TCERG1L: variants seen among roughly 807,000 people sequenced by gnomAD.
TCERG1L encodes the protein transcription elongation regulator 1 like, also known as transcription elongation regulator 1-like protein.
A neutral mutation model predicts 56.3 loss-of-function variants in TCERG1L; 37 were observed. That is an observed-to-expected ratio of 0.66 (90% confidence interval 0.51 to 0.87). The LOEUF (loss-of-function observed/expected upper bound fraction) is 0.87, where lower values mean the gene tolerates loss of function less well. Ranked by LOEUF, TCERG1L falls within the 40% of genes least tolerant of loss-of-function variation. The pLI is 0.00. For missense variants in TCERG1L, 799 were observed against 774.2 expected, an observed-to-expected ratio of 1.03 and a Z score of -0.38; for synonymous variants, 324 against 326.3, an observed-to-expected ratio of 0.99 and a Z score of 0.08.
intron 8 of TCERG1L, among the ~76,000 whole-genome samples, chr10:131,126,074 G>A (rs544751444): frequency 7.2e-5 from 11 of 152,254 alleles, no homozygotes; most frequent in Middle Eastern, 3.4e-3. Context: ...TGGCCTTTCC[G>A]GCTTGGTCAG....
intron 4 of TCERG1L, among the ~76,000 whole-genome samples, chr10:131,229,576 C>G (rs889610680): frequency 6.6e-5 from 10 of 152,136 alleles, no homozygotes; most frequent in African/African-American, 2.4e-4. Context: ...ATACCAATTA[C>G]CAATTAGCGC....
At chr10:131,309,417 T>C in intron 1 of TCERG1L, 118 bp from the exon 2 acceptor site, 1 of 1,339,050 alleles carries the variant, frequency 7.5e-7, no homozygotes, top group South Asian at 1.4e-5. Context: ...ATGTATTTGA[T>C]TATCAGATAA....
chr10:131,172,302 G>A (rs898681683), intron 4 of TCERG1L, among the ~76,000 whole-genome samples: 2 of 151,988 alleles, frequency 1.3e-5, no homozygotes, highest in Non-Finnish European at 2.9e-5. Context: ...TGGACCCCAC[G>A]GGGGAGGAGG....
intron 4 of TCERG1L, among the ~76,000 whole-genome samples, chr10:131,220,172 C>T (rs1391969290): frequency 6.6e-6 from 1 of 152,166 alleles, no homozygotes; most frequent in Non-Finnish European, 1.5e-5. Flanking sequence ...CCCTGCCATG[C>T]GAAGGGGACA....
chr10:131,214,029 G>A (rs574848771), intron 4 of TCERG1L, among the ~76,000 whole-genome samples: 1 of 125,514 alleles, frequency 8.0e-6, no homozygotes, highest in South Asian at 2.8e-4. Flanking sequence ...TGCTTTTAAT[G>A]TTACATACGC....
rs116748148 is a variant in TCERG1L, at chr10:131,283,191, G to A, written c.671-22747C>T. 3.1e-3 allele frequency among the ~76,000 whole-genome samples: 466 copies of A among 152,274 alleles called. 4 individuals carry two copies. The highest frequency in any genetic ancestry group is 0.011 in the African/African-American group (457 of 41,560). On this transcript the variant is annotated intron_variant, in intron 3 of 11. Transcript: ENST00000368642. Reference sequence around the variant, plus strand: ...GCTACAGTGAGGAACGGCCTTAGACGGGATGCATTGGTACAGTTGCCAAAG... The same window carrying A: ...GCTACAGTGAGGAACGGCCTTAGACAGGATGCATTGGTACAGTTGCCAAAG...
At chr10:131,298,842 G>A (rs903320999) in intron 3 of TCERG1L, among the ~76,000 whole-genome samples, 1 of 152,218 alleles carries the variant, frequency 6.6e-6, no homozygotes, top group Admixed American at 6.5e-5. Context: ...CATGTCAATC[G>A]GGTCAAGTTG....
intron 4 of TCERG1L, among the ~76,000 whole-genome samples, chr10:131,247,928 C>T (rs750398887): frequency 2.0e-5 from 3 of 151,944 alleles, no homozygotes. Context: ...ATACACACGA[C>T]TCACACACAG....
At chr10:131,224,650 G>T (rs1244555384) in intron 4 of TCERG1L, among the ~76,000 whole-genome samples, 2 of 152,142 alleles carry the variant, frequency 1.3e-5, no homozygotes, top group South Asian at 4.1e-4. Context: ...CTTCAAGACC[G>T]AAGTCACGTC....
intron 4 of TCERG1L, among the ~76,000 whole-genome samples, chr10:131,238,923 C>T (rs528571819): frequency 2.0e-5 from 3 of 152,336 alleles, no homozygotes; most frequent in Admixed American, 6.5e-5. Flanking sequence ...TCCATGCCAA[C>T]GTCCCCATGC....
At chr10:131,245,765 G>A (rs1017034968) in intron 4 of TCERG1L, among the ~76,000 whole-genome samples, 4 of 152,198 alleles carry the variant, frequency 2.6e-5, no homozygotes, top group Non-Finnish European at 5.9e-5. Flanking sequence ...GAGTTGGCGG[G>A]AGGGGTGCAG....
chr10:131,147,035 G>A (rs528149407), intron 6 of TCERG1L, among the ~76,000 whole-genome samples: 42 of 151,798 alleles, frequency 2.8e-4, no homozygotes, highest in African/African-American at 9.4e-4. Context: ...CCCTGGTTCC[G>A]GCAATAGAGT....
intron 7 of TCERG1L, among the ~76,000 whole-genome samples, chr10:131,135,832 T>C (rs1014488133): frequency 6.6e-6 from 1 of 152,184 alleles, no homozygotes; most frequent in Non-Finnish European, 1.5e-5. Context: ...GATGTAGGCC[T>C]AGGAGGAAGG....
Position 131,279,955 on chromosome 10 carries a change from C to T in TCERG1L, c.671-19511G>A, listed in dbSNP as rs143162687. Among the ~76,000 whole-genome samples the T allele has an allele frequency of 4.7e-3, 713 of 152,196 alleles. 3 individuals carry two copies. Among genetic ancestry groups the T allele is most frequent in the African/African-American group, 0.016 (658 of 41,512 alleles). On this transcript the variant is annotated intron_variant, in intron 3 of 11. Transcript: ENST00000368642. Reference sequence around the variant, plus strand: ...GGTGAGAGTTTCTCCATGTGGAATGCGACCCAGCAGAGCCAGCCTACACCC... The same window carrying T: ...GGTGAGAGTTTCTCCATGTGGAATGTGACCCAGCAGAGCCAGCCTACACCC...
intron 4 of TCERG1L, among the ~76,000 whole-genome samples, chr10:131,182,097 T>C (rs1028038469): frequency 1.3e-5 from 2 of 152,122 alleles, no homozygotes; most frequent in Non-Finnish European, 2.9e-5. Context: ...GCACATAGCA[T>C]GGGTGTGTGC....
At chr10:131,242,349 A>C (rs1306734179) in intron 4 of TCERG1L, among the ~76,000 whole-genome samples, 4 of 152,214 alleles carry the variant, frequency 2.6e-5, no homozygotes, top group Non-Finnish European at 4.4e-5. Flanking sequence ...TGTGAAAAAC[A>C]TCTTGGCAAT....
Position 131,115,848 on chromosome 10 carries a change from G to A in TCERG1L, c.1395+951C>T, listed in dbSNP as rs117769207. ...ACCTCAGCCCTAACTAACCCTGTGA[G>A]GGTTCTGCTCAGACCTCTCTGTTCT... On this transcript the variant is annotated intron_variant, in intron 9 of 11. Coordinates refer to ENST00000368642, the MANE Select transcript of TCERG1L (RefSeq NM_174937.4). Among the ~76,000 whole-genome samples, 12 of 152,298 alleles carry A rather than the reference G, an allele frequency of 7.9e-5. No homozygotes were observed. In the East Asian group the frequency reaches 2.1e-3, roughly 27 times the overall value.
intron 11 of TCERG1L, among the ~76,000 whole-genome samples, chr10:131,093,757 G>A (rs1354570677): frequency 6.6e-6 from 1 of 152,136 alleles, no homozygotes; most frequent in Non-Finnish European, 1.5e-5. Flanking sequence ...AGTTAGAGCT[G>A]CTCGTCATGA....
chr10:131,208,899 T>C (rs1845581469), intron 4 of TCERG1L, among the ~76,000 whole-genome samples: 1 of 151,652 alleles, frequency 6.6e-6, no homozygotes, highest in South Asian at 2.1e-4. Flanking sequence ...CTACTAAAAA[T>C]AGAAAAAAAT....
Sources: gnomAD v4.1 joint callset for allele counts (sites outside exome capture counted in the v4.1 genomes callset) on GRCh38, gnomAD v4.1.1 for gene constraint, MANE v1.5 for transcripts, NCBI Gene and HGNC (gene_info 2026-07-23, HGNC 2026-07-21) for gene names.